The following PCDHGA7 variants were observed in gnomAD, a reference collection of about 807,000 sequenced individuals.
PCDHGA7 encodes the protein protocadherin gamma subfamily A, 7, also known as protocadherin gamma-A7.
PCDHGA7 carries 44 observed loss-of-function variants against 58.3 expected under a neutral mutation model. The ratio of observed to expected loss-of-function variants is 0.75; its 90% CI spans 0.59 to 0.97. The LOEUF is 0.97. PCDHGA7 is among the 50% of genes least tolerant of loss of function. PCDHGA7 has a pLI of 0.00. For missense variants in PCDHGA7, 1,266 were observed against 1,188.7 expected (o/e 1.06, Z -0.96); for synonymous variants, 516 against 504.2 (o/e 1.02, Z -0.31).
In PCDHGA7 at chr5:141,489,432, G is replaced by A. The variant is rs2099687138; in HGVS notation, c.2425-5375G>A. ...TGACAGATCTGTTGAGCCGGCGGCTGCAATTGGGCTCTGAGGAGAATGGGC... is the reference window on the plus strand; with the variant it reads ...TGACAGATCTGTTGAGCCGGCGGCTACAATTGGGCTCTGAGGAGAATGGGC... On this transcript the variant is annotated intron_variant, in intron 1 of 3. Transcript: ENST00000518325. The surrounding 1 kb of genome is among the most constrained non-coding windows in gnomAD (Gnocchi z 4.5). 3.1e-6 allele frequency: 5 copies of A among 1,614,166 alleles called. No individual in the cohort carries two copies. Among genetic ancestry groups the A allele is most frequent in the Non-Finnish European group, 4.2e-6 (5 of 1,180,036 alleles).
rs760367783 is a variant in PCDHGA7 at position 141,394,819 on chromosome 5, C to T, written c.2424+9496C>T. The T allele has an allele frequency of 2.5e-6, 4 of 1,613,890 alleles. No individual in the cohort carries two copies. In the South Asian group the frequency reaches 4.4e-5, roughly 18 times the overall value. On this transcript the variant is annotated intron_variant, in intron 1 of 3. Transcript: ENST00000518325. ...ACCGTAGCCGTGGCTGACAGCATCCCCGAAGTCCTGACCGAGTTGGGCAGT... is the reference window on the plus strand; with the variant it reads ...ACCGTAGCCGTGGCTGACAGCATCCTCGAAGTCCTGACCGAGTTGGGCAGT...
chr5:141,383,197 G>C lies in PCDHGA7; in HGVS notation c.298G>C (p.Ala100Pro), dbSNP rs184479480. ...IDREEICAQSARCLVNFNILM... is the reference protein window; with the variant it reads ...IDREEICAQSPRCLVNFNILM... ...CCGGGAAGAGATCTGCGCTCAGAGTGCGCGGTGTCTGGTAAACTTTAACAT... is the reference window on the plus strand; with the variant it reads ...CCGGGAAGAGATCTGCGCTCAGAGTCCGCGGTGTCTGGTAAACTTTAACAT... Residue 100 changes from alanine to proline, a missense_variant, in exon 1 of 4, where the codon GCG (alanine) becomes CCG (proline). By Grantham distance (27) the Ala-to-Pro change is conservative. Transcript: ENST00000518325. 7.4e-4 allele frequency: 1,202 copies of C among 1,614,034 alleles called. 10 individuals are homozygous for C. The African/African-American group carries it at 0.015, about 20-fold the overall frequency.
rs1266306917 is a variant in PCDHGA7 at position 141,403,005 on chromosome 5, C to A, written c.2424+17682C>A. ...CGCGGAAGATTAGTCCTGCTATGCTCGCTCCTGGGGATGCTATGGGAGGCC... is the reference window on the plus strand; with the variant it reads ...CGCGGAAGATTAGTCCTGCTATGCTAGCTCCTGGGGATGCTATGGGAGGCC... On this transcript the variant is annotated intron_variant, in intron 1 of 3. Transcript: ENST00000518325. The A allele has an allele frequency of 2.5e-6, 4 of 1,613,960 alleles. No homozygotes were observed. The East Asian group carries it at 8.9e-5, about 36-fold the overall frequency.
At chr5:141,396,562 G>C (rs2150669769) in intron 1 of PCDHGA7, 1 of 152,144 alleles carries the variant, frequency 6.6e-6, no homozygotes, top group South Asian at 2.1e-4. Context: ...GGAGGTTGCA[G>C]TGAGCCTCGA....
chr5:141,450,310 G>A (rs1364358879), intron 1 of PCDHGA7, among the ~76,000 whole-genome samples: 1 of 151,966 alleles, frequency 6.6e-6, no homozygotes, highest in Non-Finnish European at 1.5e-5. Context: ...ACCATGTGTG[G>A]CCTAGTTGCC....
At chr5:141,410,675 T>A in intron 1 of PCDHGA7, 1 of 1,551,642 alleles carries the variant, frequency 6.4e-7, no homozygotes, top group Non-Finnish European at 8.6e-7. Context: ...GTTTCTCATA[T>A]TTTAGGCATA....
intron 1 of PCDHGA7, chr5:141,408,518 T>A (rs1330187050): frequency 6.2e-7 from 1 of 1,614,010 alleles, no homozygotes; most frequent in African/African-American, 1.3e-5. Flanking sequence ...TGAGTTGCAA[T>A]TGGAAGCTGT....
chr5:141,426,797 C>A (rs1487716495), intron 1 of PCDHGA7: 1 of 456,706 alleles, frequency 2.2e-6, no homozygotes, highest in Non-Finnish European at 4.4e-6. Context: ...GTTACCAGCT[C>A]AGTTCTAATG....
At chr5:141,430,484 C>T (rs894612928) in intron 1 of PCDHGA7, 2 of 256,238 alleles carry the variant, frequency 7.8e-6, no homozygotes, top group African/African-American at 4.4e-5. Context: ...GATATAAAAA[C>T]GAAATATCCT....
intron 1 of PCDHGA7, among the ~76,000 whole-genome samples, chr5:141,473,191 G>A (rs28479996): frequency 0.019 from 2,957 of 152,242 alleles, 87 homozygotes; most frequent in African/African-American, 0.062. Context: ...AGGAGTAAAT[G>A]TATCTTCTAA....
At chr5:141,478,584 T>G in intron 1 of PCDHGA7, 1 of 1,577,982 alleles carries the variant, frequency 6.3e-7, no homozygotes, top group Non-Finnish European at 8.6e-7. Flanking sequence ...CTGTTAGTGC[T>G]TTTTTATTCC....
At chr5:141,448,948 A>AAAAC (rs1237948751) in intron 1 of PCDHGA7, among the ~76,000 whole-genome samples, 2 of 152,170 alleles carry the variant, frequency 1.3e-5, no homozygotes, top group African/African-American at 2.4e-5. Flanking sequence ...GCAACTCAAA[A>AAAAC]AAACAAACAA....
chr5:141,418,107 A>C, intron 1 of PCDHGA7: 1 of 1,614,036 alleles, frequency 6.2e-7, no homozygotes, highest in Non-Finnish European at 8.5e-7. Flanking sequence ...CAGAGCGGGG[A>C]CTTACTTGTG....
chr5:141,389,464 A>G (rs1277929756), intron 1 of PCDHGA7: 1 of 1,613,306 alleles, frequency 6.2e-7, no homozygotes, highest in Admixed American at 1.7e-5. Flanking sequence ...CGCGCCTTCG[A>G]ACTCACACTG....
chr5:141,399,310 A>G, intron 1 of PCDHGA7: 2 of 1,613,936 alleles, frequency 1.2e-6, no homozygotes, highest in Non-Finnish European at 1.7e-6. Context: ...CTCTTCATCC[A>G]AAAATTCGTA....
In PCDHGA7 at chr5:141,419,577, C is replaced by A. The variant is rs1182305164; in HGVS notation, c.2424+34254C>A. ...CCTGCGCTGGGTCCCGACGGCTCCG[C>A]GCTCTTCGACACAGTGCCGCGGGCC... On this transcript the variant is annotated intron_variant, in intron 1 of 3. Coordinates refer to ENST00000518325, the MANE Select transcript of PCDHGA7 (RefSeq NM_018920.4). 3.1e-6 allele frequency: 5 copies of A among 1,611,732 alleles called. No individual in the cohort carries two copies. The South Asian group carries it at 5.5e-5, about 18-fold the overall frequency.
At chr5:141,390,039 C>A (rs2092026934) in intron 1 of PCDHGA7, 2 of 1,614,048 alleles carry the variant, frequency 1.2e-6, no homozygotes, top group Non-Finnish European at 1.7e-6. Flanking sequence ...CTCCTCCAGC[C>A]CCGCCTCCTG....
intron 1 of PCDHGA7, chr5:141,410,249 G>A (rs371076854): frequency 1.2e-6 from 2 of 1,613,992 alleles, no homozygotes; most frequent in Non-Finnish European, 8.5e-7. Flanking sequence ...TGTACTCTCT[G>A]ACCCCCAGGC....
intron 2 of PCDHGA7, among the ~76,000 whole-genome samples, chr5:141,495,471 G>A (rs2099761632): frequency 6.6e-6 from 1 of 152,190 alleles, no homozygotes; most frequent in Non-Finnish European, 1.5e-5. Context: ...TGGGGTCTCC[G>A]TGTCTCTGCC....
Sources: allele counts gnomAD v4.1 joint callset (sites outside exome capture counted in the v4.1 genomes callset), GRCh38; gene constraint gnomAD v4.1.1; non-coding constraint Gnocchi (gnomAD v3.1); transcripts MANE v1.5; gene names NCBI Gene and HGNC (gene_info 2026-07-23, HGNC 2026-07-21).